Variants in DNAH17 observed in about 807,000 individuals in gnomAD.
DNAH17 encodes the protein dynein axonemal heavy chain 17.
DNAH17 carries 376 observed loss-of-function variants against 485.6 expected under a neutral mutation model. The ratio of observed to expected loss-of-function variants is 0.77; its 90% confidence interval spans 0.71 to 0.84. DNAH17 has a LOEUF of 0.84. Ranked by LOEUF, DNAH17 falls within the 40% of genes least tolerant of loss-of-function variation. DNAH17 has a pLI of 0.00. For synonymous variants in DNAH17, 3,031 were observed against 2,405.9 expected (o/e 1.26, Z -7.60); for missense variants, 6,370 against 5,839.3 (o/e 1.09, Z -2.96).
At chr17:78,440,924 T>G in intron 72 of DNAH17, 127 bp downstream of exon 72, 1 of 1,140,658 alleles carries the variant, frequency 8.8e-7, no homozygotes. Flanking sequence ...ATTGCCATCC[T>G]ACCGGCGTGA....
chr17:78,537,420 T>C lies in DNAH17; in HGVS notation c.2738A>G (p.Asn913Ser), dbSNP rs770028657. 5 of 1,613,212 alleles carry C rather than the reference T, an allele frequency of 3.1e-6. No individual in the cohort carries two copies. The East Asian group carries it at 8.9e-5, about 29-fold the overall frequency. The change falls in exon 19 of 81, where the codon AAC becomes AGC. Residue 913 changes from asparagine to serine, a missense_variant. Asn to Ser is a conservative substitution (Grantham distance 46, BLOSUM62 1). Transcript: ENST00000389840. ...MELDEDGLTF[N>S]PTLEVGSDRG... ...ATCTGAGCCCACCTCCAGGGTCGGG[T>C]TGAAGGTCAGCCCATCCTCGTCCAG...
chr17:78,479,593 C>T lies in DNAH17; in HGVS notation c.7792G>A (p.Glu2598Lys), dbSNP rs1256807568. ...CVFAVSFPGQ[E>K]ALTTIYNTIL... ...GTGTTGTAGATGGTGGTGAGGGCCTCCTGGCCGGGGAAGCTCACAGCAAAC... is the reference window on the plus strand; with the variant it reads ...GTGTTGTAGATGGTGGTGAGGGCCTTCTGGCCGGGGAAGCTCACAGCAAAC... Residue 2598 changes from glutamate (E) to lysine (K), a missense_variant, in exon 50 of 81, where the codon GAG (glutamate) becomes AAG (lysine). Coordinates refer to ENST00000389840, the MANE Select transcript of DNAH17 (RefSeq NM_173628.4). The T allele has an allele frequency of 2.5e-6, 4 of 1,613,448 alleles. No individual in the cohort carries two copies. The South Asian group carries it at 3.3e-5, about 13-fold the overall frequency.
rs61743539 is a variant in DNAH17, at chr17:78,571,701, C to A, written c.621G>T (p.Val207=). ...GCGCCTGGGCTGAGTCTTTGCTCAG[C>A]ACATCCCGGATCTGGTGGGACCAGT... ...IIDWSHQIRD[V]LSKDSAQALL... The change falls in exon 4 of 81, where the codon GTG becomes GTT. Residue 207 remains valine, a synonymous_variant. Coordinates refer to ENST00000389840, the MANE Select transcript of DNAH17 (RefSeq NM_173628.4). 2,720 of 1,613,894 alleles carry A rather than the reference C, an allele frequency of 1.7e-3. 47 individuals are homozygous for A. In the African/African-American group the frequency reaches 0.031, roughly 19 times the overall value.
intron 48 of DNAH17, among the ~76,000 whole-genome samples, chr17:78,482,408 G>T (rs1013653070): frequency 1.3e-5 from 2 of 152,166 alleles, no homozygotes; most frequent in Admixed American, 6.5e-5. Flanking sequence ...GTATATTTCA[G>T]ATATTAATCC....
chr17:78,566,400 C>T (rs917958426), intron 11 of DNAH17, among the ~76,000 whole-genome samples: 3 of 152,228 alleles, frequency 2.0e-5, no homozygotes, highest in African/African-American at 7.2e-5. Flanking sequence ...CACTCACTTG[C>T]TCCTCTTCCT....
intron 51 of DNAH17, among the ~76,000 whole-genome samples, chr17:78,477,939 CCATCACCATTATCATCTCCACCAT>C (rs2089117045): frequency 6.7e-6 from 1 of 149,962 alleles, no homozygotes; most frequent in African/African-American, 2.5e-5. Flanking sequence ...ATCATCACCA[CCATCACCATTATCATCTCCACCAT>C]CACCACCACC....
intron 26 of DNAH17, among the ~76,000 whole-genome samples, chr17:78,514,510 A>AAAAG (rs915762587): frequency 9.2e-6 from 1 of 109,018 alleles, no homozygotes; most frequent in African/African-American, 2.9e-5. Flanking sequence ...TCTCAAAAAA[A>AAAAG]AAAAAAAAAA....
chr17:78,447,852 C>T (rs2087376453), intron 69 of DNAH17, among the ~76,000 whole-genome samples: 1 of 113,258 alleles, frequency 8.8e-6, no homozygotes, highest in Admixed American at 8.0e-5. Flanking sequence ...GGCAATGTAG[C>T]AAGACCCTGT....
At position 78,494,025 on chromosome 17, in the gene DNAH17, G is replaced by T; in HGVS notation, c.6408+11C>A. ...CGGATCCCTGCAAGGTCCCTGGAGCGGGTGACACACCTGAGATTTGCCGCT... is the reference window on the plus strand; with the variant it reads ...CGGATCCCTGCAAGGTCCCTGGAGCTGGTGACACACCTGAGATTTGCCGCT... On this transcript the variant is annotated intron_variant, in intron 41 of 80. Coordinates refer to ENST00000389840, the MANE Select transcript of DNAH17 (RefSeq NM_173628.4). 6.2e-7 allele frequency: 1 copy of T among 1,610,220 alleles called. No homozygotes were observed.
intron 33 of DNAH17, chr17:78,502,303 C>G (rs954297911): frequency 1.3e-4 from 45 of 354,132 alleles, no homozygotes; most frequent in Middle Eastern, 1.0e-3. Context: ...ATATTTCTAA[C>G]CAAGGACATT....
rs570124598 is a variant in DNAH17 at position 78,441,140 on chromosome 17, G to T, written c.11588C>A (p.Ser3863Tyr). 1.3e-4 allele frequency: 215 copies of T among 1,613,940 alleles called. 2 individuals carry two copies. In the South Asian group the frequency reaches 2.3e-3, roughly 17 times the overall value. ...GGGGCTGCTCTCCTCGTAGGACTTAGAAAACTCAACACTCCGGCCTTCCAC... is the reference window on the plus strand; with the variant it reads ...GGGGCTGCTCTCCTCGTAGGACTTATAAAACTCAACACTCCGGCCTTCCAC... ...KFVEGRSVEFSKSYEESSPST... is the reference protein window; with the variant it reads ...KFVEGRSVEFYKSYEESSPST... Residue 3863 changes from serine (S) to tyrosine (Y), a missense_variant, in exon 72 of 81, where the codon TCT becomes TAT. Physicochemically the swap from Ser to Tyr is moderately radical, Grantham distance 144 (BLOSUM62 -2). Transcript: ENST00000389840.
At chr17:78,496,503 G>C (rs1422125358) in intron 37 of DNAH17, 1 of 152,596 alleles carries the variant, frequency 6.6e-6, no homozygotes, top group East Asian at 1.9e-4. Flanking sequence ...GGCCAGCATT[G>C]CTGTCACCAT....
At chr17:78,506,915 G>A (rs2146742999) in intron 29 of DNAH17, 69 bp from the exon 30 acceptor site, 1 of 1,590,896 alleles carries the variant, frequency 6.3e-7, no homozygotes, top group Non-Finnish European at 8.6e-7. Flanking sequence ...CACCCACCCT[G>A]TCGGCGAAGG....
In DNAH17 at chr17:78,441,110, G is replaced by A. The variant is rs568222030; in HGVS notation, c.11618C>T (p.Thr3873Met). The A allele has an allele frequency of 2.5e-5, 41 of 1,613,738 alleles. No individual in the cohort carries two copies. The highest frequency in any genetic ancestry group is 2.9e-5 in the Non-Finnish European group (34 of 1,179,800). ...SKSYEESSPSTSIFFILSPGV... is the reference protein window; with the variant it reads ...SKSYEESSPSMSIFFILSPGV... ...CGGGGAGAGGATGAAGAAGATTGAC[G>A]TGGAGGGGCTGCTCTCCTCGTAGGA... Residue 3873 changes from threonine to methionine, a missense_variant, in exon 72 of 81, where the codon ACG becomes ATG. Transcript: ENST00000389840.
At chr17:78,472,389 T>G (rs1482270747) in intron 54 of DNAH17, among the ~76,000 whole-genome samples, 1 of 151,572 alleles carries the variant, frequency 6.6e-6, no homozygotes, top group African/African-American at 2.4e-5. Flanking sequence ...CAGCAAGGCC[T>G]CCTCCCTGAG....
chr17:78,459,314 C>A, intron 60 of DNAH17, 106 bp from the exon 61 acceptor site: 1 of 1,092,878 alleles, frequency 9.2e-7, no homozygotes, highest in East Asian at 2.4e-5. Context: ...TCTGGAGGGG[C>A]AGCGCTGGGA....
chr17:78,481,386 G>T (rs1008462182), intron 48 of DNAH17, among the ~76,000 whole-genome samples: 1 of 152,126 alleles, frequency 6.6e-6, no homozygotes, highest in Non-Finnish European at 1.5e-5. Context: ...ACTCCATGTG[G>T]TCTTAAAAAC....
chr17:78,475,271 C>T lies in DNAH17; in HGVS notation c.8511+7G>A. 1.2e-6 allele frequency: 2 copies of T among 1,613,798 alleles called. No individual in the cohort carries two copies. The highest frequency in any genetic ancestry group is 2.2e-5 in the East Asian group (1 of 44,890). Reference sequence around the variant, plus strand: ...GAAAGGCAGCCTATTGAACAGTAAGCTCTCACCTTGAGGTCGGGGATCCCG... The same window carrying T: ...GAAAGGCAGCCTATTGAACAGTAAGTTCTCACCTTGAGGTCGGGGATCCCG... On this transcript the variant is annotated splice_region_variant and intron_variant, in intron 54 of 80. Coordinates refer to ENST00000389840, the MANE Select transcript of DNAH17 (RefSeq NM_173628.4).
intron 16 of DNAH17, among the ~76,000 whole-genome samples, chr17:78,548,202 C>T (rs1484570427): frequency 3.7e-5 from 3 of 80,120 alleles, no homozygotes; most frequent in African/African-American, 5.3e-5. Context: ...ATGTCATGGC[C>T]TTTTTTTTTT....
Sources: gnomAD v4.1 joint callset for allele counts (sites outside exome capture counted in the v4.1 genomes callset) on GRCh38, gnomAD v4.1.1 for gene constraint, MANE v1.5 for transcripts, NCBI Gene and HGNC (gene_info 2026-07-23, HGNC 2026-07-21) for gene names.